Variants in ABCB7 observed in about 807,000 individuals in gnomAD.
ABCB7 encodes iron-sulfur clusters transporter ABCB7, mitochondrial.
ABCB7 carries 7 observed loss-of-function variants against 54.4 expected under a neutral mutation model. The observed-to-expected ratio is 0.13, with a 90% CI of 0.07 to 0.24. ABCB7 has a LOEUF of 0.24. Ranked by LOEUF, ABCB7 falls within the 10% of genes least tolerant of loss-of-function variation. The pLI is 1.00. For synonymous variants in ABCB7, 218 were observed against 207.1 expected (o/e 1.05, Z -0.45); for missense variants, 356 against 570.4 (o/e 0.62, Z 3.83).
At chrX:75,100,767 A>G (rs2081632585) in intron 3 of ABCB7, among the ~76,000 whole-genome samples, 1 of 112,088 alleles carries the variant, frequency 8.9e-6, no homozygotes, top group Non-Finnish European at 1.9e-5. Context: ...TAATCACTCT[A>G]ACAGTAGTGC....
chrX:75,136,200 T>C lies in ABCB7; in HGVS notation c.168+19905A>G, dbSNP rs143477648. On this transcript the variant is annotated intron_variant, in intron 1 of 15. Transcript: ENST00000373394. ...AATCAGCAGCATTTATACACACTAA[T>C]GATGTCCAAGCTGAGAGTCAAATCA... Among the ~76,000 whole-genome samples the C allele has an allele frequency of 3.4e-4, 38 of 111,204 alleles. No homozygotes were observed. The East Asian group carries it at 0.011, about 31-fold the overall frequency.
chrX:75,065,279 T>C, intron 12 of ABCB7, 38 bp from the exon 13 acceptor site: 1 of 1,074,014 alleles, frequency 9.3e-7, no homozygotes. Flanking sequence ...TATCTATATC[T>C]ATATATCTCT....
chrX:75,091,488 T>A (rs2081543506), intron 4 of ABCB7, among the ~76,000 whole-genome samples: 1 of 111,297 alleles, frequency 9.0e-6, no homozygotes. Flanking sequence ...GTTAACAACA[T>A]ACTTAATGGT....
At chrX:75,102,356 C>G (rs2081647166) in intron 3 of ABCB7, among the ~76,000 whole-genome samples, 1 of 111,031 alleles carries the variant, frequency 9.0e-6, no homozygotes, top group Non-Finnish European at 1.9e-5. Flanking sequence ...CACACCCTTC[C>G]CAGGCTCTGA....
intron 13 of ABCB7, among the ~76,000 whole-genome samples, chrX:75,062,797 A>G (rs772255239): frequency 5.5e-4 from 61 of 111,729 alleles, no homozygotes; most frequent in African/African-American, 1.9e-3. Flanking sequence ...TTTCAATGAC[A>G]GAATTGACAA....
At chrX:75,155,952 A>C (rs1013149786) in intron 1 of ABCB7, among the ~76,000 whole-genome samples, 153 bp downstream of exon 1, 4 of 111,063 alleles carry the variant, frequency 3.6e-5, no homozygotes, top group African/African-American at 9.8e-5. Flanking sequence ...CTTTCCTCAA[A>C]TTACTGACGT....
At chrX:75,086,693 T>C (rs1398174877) in intron 4 of ABCB7, among the ~76,000 whole-genome samples, 2 of 111,855 alleles carry the variant, frequency 1.8e-5, no homozygotes, top group African/African-American at 6.5e-5. Flanking sequence ...GAGATCTGAT[T>C]AGCAAGGCAA....
At chrX:75,137,620 T>C (rs5937958) in intron 1 of ABCB7, among the ~76,000 whole-genome samples, 2,350 of 112,105 alleles carry the variant, frequency 0.021, 38 homozygotes, top group South Asian at 0.13. Flanking sequence ...CAAAGATATG[T>C]AATCAACCTA....
intron 4 of ABCB7, among the ~76,000 whole-genome samples, chrX:75,082,222 T>C (rs749363910): frequency 1.8e-5 from 2 of 111,422 alleles, no homozygotes; most frequent in East Asian, 2.8e-4. Flanking sequence ...AAACACGTTA[T>C]GTATAAGGGA....
Position 75,148,345 on chromosome X carries a change from A to G in ABCB7, c.168+7760T>C, listed in dbSNP as rs1457515821. ...TCTGTGTATCCATAATAGCAAATTA[A>G]ATTTTTTTTGTTTGTTTTTTAGCAT... On this transcript the variant is annotated intron_variant, in intron 1 of 15. Transcript: ENST00000373394. Among the ~76,000 whole-genome samples, 4 of 110,459 alleles carry G rather than the reference A, an allele frequency of 3.6e-5. No homozygotes were observed. In the Admixed American group the frequency reaches 3.8e-4, roughly 11 times the overall value.
chrX:75,121,980 C>T (rs999411639), intron 1 of ABCB7, among the ~76,000 whole-genome samples: 4 of 110,922 alleles, frequency 3.6e-5, no homozygotes, highest in Non-Finnish European at 1.9e-5. Context: ...GATGGATCTT[C>T]ATCCTTCTGC....
chrX:75,096,714 C>T (rs1364177828), intron 4 of ABCB7, among the ~76,000 whole-genome samples: 1 of 110,766 alleles, frequency 9.0e-6, no homozygotes, highest in East Asian at 2.8e-4. Flanking sequence ...CTTCATTTTC[C>T]CCAAACAAGA....
In ABCB7 at chrX:75,056,676, CA is replaced by C. The variant is rs779988648; in HGVS notation, c.2044-3092del. Among the ~76,000 whole-genome samples the C allele has an allele frequency of 2.9e-3, 325 of 111,576 alleles. 1 individual carries two copies. The highest frequency in any genetic ancestry group is 9.6e-3 in the African/African-American group (295 of 30,741). On this transcript the variant is annotated intron_variant, in intron 15 of 15. Transcript: ENST00000373394. ...GCCTCTTCAGTGAATAGAGTTGGGA[CA>C]TTTTTTTTAAATCATAAATTCAGAC...
At chrX:75,055,729 A>G (rs1282678068) in intron 15 of ABCB7, among the ~76,000 whole-genome samples, 1 of 110,997 alleles carries the variant, frequency 9.0e-6, no homozygotes, top group Non-Finnish European at 1.9e-5. Flanking sequence ...CATTGAATTT[A>G]TAACAGCTTC....
chrX:75,077,613 C>T (rs1248086816), intron 4 of ABCB7, among the ~76,000 whole-genome samples: 1 of 111,586 alleles, frequency 9.0e-6, no homozygotes, highest in Non-Finnish European at 1.9e-5. Flanking sequence ...CATTATTATG[C>T]CATCTATCTT....
At chrX:75,118,364 C>T (rs1017752739) in intron 1 of ABCB7, among the ~76,000 whole-genome samples, 9 of 109,403 alleles carry the variant, frequency 8.2e-5, no homozygotes, top group Admixed American at 2.0e-4. Context: ...AAATATCAGC[C>T]GGCTAAAGTC....
chrX:75,095,192 C>T (rs1334808353), intron 4 of ABCB7, among the ~76,000 whole-genome samples: 2 of 111,471 alleles, frequency 1.8e-5, no homozygotes, highest in Non-Finnish European at 3.8e-5. Flanking sequence ...ATCTATGTTT[C>T]GTGCCTAGTT....
intron 1 of ABCB7, among the ~76,000 whole-genome samples, chrX:75,115,904 G>C: frequency 9.0e-6 from 1 of 110,884 alleles, no homozygotes; most frequent in East Asian, 2.8e-4. Flanking sequence ...TGACAAAGCA[G>C]AATTTGTGGC....
chrX:75,054,867 G>C (rs1302404904), intron 15 of ABCB7, among the ~76,000 whole-genome samples: 1 of 110,506 alleles, frequency 9.0e-6, no homozygotes, highest in Admixed American at 9.6e-5. Flanking sequence ...AGAAACTCTT[G>C]CTCTGAAGTT....
Sources: allele counts gnomAD v4.1 joint callset (sites outside exome capture counted in the v4.1 genomes callset), GRCh38; gene constraint gnomAD v4.1.1; transcripts MANE v1.5; gene names NCBI Gene and HGNC (gene_info 2026-07-23, HGNC 2026-07-21).